Variants in CFAP251 observed in about 807,000 individuals in gnomAD.
CFAP251 encodes cilia- and flagella-associated protein 251.
Under a neutral mutation model 126.7 loss-of-function variants are expected in CFAP251, and 93 were observed. The observed-to-expected ratio is 0.73, with a 90% CI of 0.62 to 0.87. The LOEUF (loss-of-function observed/expected upper bound fraction) is 0.87, where lower values mean the gene tolerates loss of function less well. CFAP251 is among the 40% of genes least tolerant of loss of function. The pLI is 0.00. For synonymous variants in CFAP251, 503 were observed against 506.9 expected, an observed-to-expected ratio of 0.99 and a Z score of 0.10; for missense variants, 1,287 against 1,389.2, an observed-to-expected ratio of 0.93 and a Z score of 1.17.
At chr12:121,984,418 T>C (rs1882698029) in intron 19 of CFAP251, among the ~76,000 whole-genome samples, 1 of 152,134 alleles carries the variant, frequency 6.6e-6, no homozygotes, top group East Asian at 1.9e-4. Flanking sequence ...GCGATTCTCC[T>C]GCCTCAGCCT....
chr12:121,961,046 C>CA (rs1881915875), intron 14 of CFAP251, among the ~76,000 whole-genome samples: 1 of 152,152 alleles, frequency 6.6e-6, no homozygotes, highest in Non-Finnish European at 1.5e-5. Context: ...CCTTGCCTCC[C>CA]AGTGTGCACG....
At position 121,958,518 on chromosome 12, in the gene CFAP251, C is replaced by A. The variant is rs73415652; in HGVS notation, c.1977C>A (p.Pro659=). Residue 659 remains proline (P), a synonymous_variant, in exon 12 of 22, where the codon CCC becomes CCA. Coordinates refer to ENST00000288912, the MANE Select transcript of CFAP251 (RefSeq NM_144668.6). ...GAGTCCAGAGTCTGACCTACAACCC[C>A]GAAGGTATTTTCATCTTATCAGCCT... ...GLGVQSLTYN[P]EGALLGAGFT... 0.012 allele frequency: 19,398 copies of A among 1,614,106 alleles called. 1,799 individuals carry two copies. The African/African-American group carries it at 0.21, about 18-fold the overall frequency.
At chr12:121,946,947 C>A (rs1881348281) in intron 7 of CFAP251, among the ~76,000 whole-genome samples, 1 of 152,112 alleles carries the variant, frequency 6.6e-6, no homozygotes, top group African/African-American at 2.4e-5. Context: ...AAAGCTTATC[C>A]TTTAGGATTT....
At chr12:121,939,467 C>T (rs1881020981) in intron 5 of CFAP251, among the ~76,000 whole-genome samples, 1 of 152,166 alleles carries the variant, frequency 6.6e-6, no homozygotes, top group Admixed American at 6.6e-5. Context: ...AGGTGTGTCT[C>T]ATCTCTGAAG....
In CFAP251 at chr12:121,968,170, G is replaced by T; in HGVS notation, c.2771+1G>T. The T allele has an allele frequency of 1.3e-6, 2 of 1,595,650 alleles. No homozygotes were observed. The highest frequency in any genetic ancestry group is 1.7e-6 in the Non-Finnish European group (2 of 1,165,984). On this transcript the variant is annotated splice_donor_variant, in intron 17 of 21. Transcript: ENST00000288912. LOFTEE classifies it high-confidence loss of function. ...TGGTGCAGTGGAAAATCACCTTAAG[G>T]TACACGATGGGGCGAGAAGGAAGGT...
intron 7 of CFAP251, 132 bp downstream of exon 7, chr12:121,943,107 G>A: frequency 1.1e-6 from 1 of 871,636 alleles, no homozygotes; most frequent in Non-Finnish European, 1.8e-6. Flanking sequence ...GAGGTCAGGA[G>A]TTCAAGGCCA....
chr12:121,967,454 G>A (rs1233925939), intron 16 of CFAP251, among the ~76,000 whole-genome samples: 4 of 152,232 alleles, frequency 2.6e-5, no homozygotes, highest in African/African-American at 4.8e-5. Context: ...TGTAATCCCA[G>A]CACTTTGGGA....
At chr12:121,923,538 G>T in intron 2 of CFAP251, 84 bp from the exon 3 acceptor site, 1 of 1,497,286 alleles carries the variant, frequency 6.7e-7, no homozygotes, top group South Asian at 1.4e-5. Context: ...CTAACACTAA[G>T]ACTGGCTGAC....
At chr12:122,001,272 TCTCGAA>T (rs2135821276) in intron 20 of CFAP251, among the ~76,000 whole-genome samples, 1 of 150,092 alleles carries the variant, frequency 6.7e-6, no homozygotes, top group East Asian at 2.1e-4. Flanking sequence ...GCCAGGCTGG[TCTCGAA>T]CTCCTGACCT....
At chr12:121,977,108 T>C (rs1299375466) in intron 19 of CFAP251, among the ~76,000 whole-genome samples, 2 of 152,218 alleles carry the variant, frequency 1.3e-5, no homozygotes, top group African/African-American at 4.8e-5. Context: ...CAAACACAGA[T>C]GGCAGAGCCT....
In CFAP251 at chr12:121,952,240, T is replaced by TAAAAA. The variant is rs558861973; in HGVS notation, c.1320+737_1320+741dup. Among the ~76,000 whole-genome samples, 133 of 92,064 alleles carry TAAAAA rather than the reference T, an allele frequency of 1.4e-3. 2 individuals carry two copies. The East Asian group carries it at 0.017, about 12-fold the overall frequency. 60.4% of individuals were successfully genotyped at this position (92,064 alleles called of 152,430 possible). On this transcript the variant is annotated intron_variant, in intron 9 of 21. Transcript: ENST00000288912. The stretch of plus-strand genomic sequence containing the variant: ...AACACAGGCTAGACTTCGTTTCTAC[T>TAAAAA]AAAAAAAAAAAAAAAAAAAAAAAAA...
chr12:121,929,948 GATT>G (rs1415406635), intron 3 of CFAP251, among the ~76,000 whole-genome samples: 3 of 152,086 alleles, frequency 2.0e-5, no homozygotes, highest in Admixed American at 2.0e-4. Context: ...AAAGTGTTGG[GATT>G]ACAGGCGTGA....
At chr12:121,988,892 C>A (rs570372561) in intron 19 of CFAP251, among the ~76,000 whole-genome samples, 1 of 152,022 alleles carries the variant, frequency 6.6e-6, no homozygotes, top group African/African-American at 2.4e-5. Flanking sequence ...CCCGCCCCCA[C>A]GCCCAGCTAA....
At chr12:121,924,613 G>A (rs542525362) in intron 3 of CFAP251, among the ~76,000 whole-genome samples, 2 of 151,204 alleles carry the variant, frequency 1.3e-5, no homozygotes, top group Admixed American at 6.6e-5. Context: ...TGTATTTTTA[G>A]TAGAGATGGG....
intron 5 of CFAP251, 64 bp from the exon 6 acceptor site, chr12:121,942,470 C>A: frequency 8.2e-7 from 1 of 1,214,630 alleles, no homozygotes; most frequent in Non-Finnish European, 1.2e-6. Flanking sequence ...CAGACCTGCC[C>A]TGGGACTCTC....
At position 121,992,321 on chromosome 12, in the gene CFAP251, T is replaced by C. The variant is rs188743711; in HGVS notation, c.3007-7395T>C. 333 of 985,424 alleles carry C rather than the reference T, an allele frequency of 3.4e-4. 2 individuals are homozygous for C. In the African/African-American group the frequency reaches 5.6e-3, roughly 17 times the overall value. The allele number at this position is 985,424 out of a possible 1,614,324, so 61.0% of individuals were successfully genotyped here. Reference sequence around the variant, plus strand: ...AGTCGGCTCAGGAAGGAAATGTCAGTGATGCCGAAGCTGCCAACTCCGTGC... The same window carrying C: ...AGTCGGCTCAGGAAGGAAATGTCAGCGATGCCGAAGCTGCCAACTCCGTGC... On this transcript the variant is annotated intron_variant, in intron 19 of 21. Coordinates refer to ENST00000288912, the MANE Select transcript of CFAP251 (RefSeq NM_144668.6).
At position 121,974,035 on chromosome 12, in the gene CFAP251, T is replaced by G. The variant is rs1338818902; in HGVS notation, c.2772-1209T>G. Among the ~76,000 whole-genome samples the G allele has an allele frequency of 6.6e-6, 1 of 152,160 alleles. No individual in the cohort carries two copies. The highest frequency in any genetic ancestry group is 6.6e-5 in the Admixed American group (1 of 15,264). The stretch of plus-strand genomic sequence containing the variant: ...CTGTGTCTCCACCCAAATCTCATCT[T>G]GAATTGTACTCCCATAATTCCCATG... On this transcript the variant is annotated intron_variant, in intron 17 of 21. Transcript: ENST00000288912. The surrounding 1 kb of genome is among the most constrained non-coding windows in gnomAD (Gnocchi z 4.6).
In CFAP251 at chr12:121,957,107, T is replaced by C; in HGVS notation, c.1569T>C (p.Ile523=). Residue 523 remains isoleucine, a synonymous_variant, in exon 11 of 22, where the codon ATT becomes ATC. Transcript: ENST00000288912. ...YIVTGDIKGN[I]KFYDHTLSIV... ...TCACAGGTGACATTAAGGGGAACAT[T>C]AAGTTCTATGATCACACCCTGTCTA... 1.2e-6 allele frequency: 2 copies of C among 1,606,416 alleles called. No homozygotes were observed. The highest frequency in any genetic ancestry group is 1.7e-6 in the Non-Finnish European group (2 of 1,177,470).
Position 121,969,039 on chromosome 12 carries a change from C to T in CFAP251, c.2771+870C>T, listed in dbSNP as rs1049817971. 29 of 985,212 alleles carry T rather than the reference C, an allele frequency of 2.9e-5. No individual in the cohort carries two copies. The South Asian group carries it at 3.8e-4, about 13-fold the overall frequency. 61.0% of individuals were successfully genotyped at this position (985,212 alleles called of 1,614,324 possible). On this transcript the variant is annotated intron_variant, in intron 17 of 21. Coordinates refer to ENST00000288912, the MANE Select transcript of CFAP251 (RefSeq NM_144668.6). ...TCCTGACCACTTCTCCAAGCCCCTGCGCTGCCTGTGGCTCGGCTGGGCCTC... is the reference window on the plus strand; with the variant it reads ...TCCTGACCACTTCTCCAAGCCCCTGTGCTGCCTGTGGCTCGGCTGGGCCTC...
Sources: allele counts gnomAD v4.1 joint callset (sites outside exome capture counted in the v4.1 genomes callset), GRCh38; gene constraint gnomAD v4.1.1; non-coding constraint Gnocchi (gnomAD v3.1); transcripts MANE v1.5; gene names NCBI Gene and HGNC (gene_info 2026-07-23, HGNC 2026-07-21).